TFB2M: variants seen among roughly 807,000 people sequenced by gnomAD.
TFB2M encodes the protein dimethyladenosine transferase 2, mitochondrial.
Under a neutral mutation model 41.3 loss-of-function variants are expected in TFB2M, and 44 were observed. The observed-to-expected ratio is 1.07, with a 90% CI of 0.84 to 1.37. The LOEUF (loss-of-function observed/expected upper bound fraction) is 1.37. Ranked by LOEUF, TFB2M falls within the 40% of genes most tolerant of loss-of-function variation. The pLI, the probability that TFB2M is intolerant of heterozygous loss-of-function variation, is 0.00. For synonymous variants in TFB2M, 188 were observed against 176.8 expected (o/e 1.06, Z -0.50); for missense variants, 496 against 490.2 (o/e 1.01, Z -0.11).
At chr1:246,551,073 G>C in intron 5 of TFB2M, 140 bp downstream of exon 5, 1 of 631,140 alleles carries the variant, frequency 1.6e-6, no homozygotes, top group Non-Finnish European at 2.8e-6. Flanking sequence ...TACTCCAGAG[G>C]CTAAGGTGAG....
chr1:246,563,285 T>C (rs1213145065), intron 2 of TFB2M, among the ~76,000 whole-genome samples: 1 of 151,080 alleles, frequency 6.6e-6, no homozygotes, highest in Non-Finnish European at 1.5e-5. Flanking sequence ...TGTAAGAAAA[T>C]GATGGCTTAT....
intron 1 of TFB2M, among the ~76,000 whole-genome samples, chr1:246,564,789 C>T (rs1393983251): frequency 2.0e-5 from 3 of 151,942 alleles, no homozygotes; most frequent in African/African-American, 4.8e-5. Context: ...AAGCGATTCT[C>T]CTGCCTCAGC....
At chr1:246,547,444 T>G (rs1412585040) in intron 6 of TFB2M, among the ~76,000 whole-genome samples, 1 of 152,226 alleles carries the variant, frequency 6.6e-6, no homozygotes, top group East Asian at 1.9e-4. Context: ...ATTATTCCTA[T>G]TCTGTTTTTT....
intron 2 of TFB2M, among the ~76,000 whole-genome samples, chr1:246,563,940 C>A (rs868759151): frequency 1.3e-5 from 2 of 152,322 alleles, no homozygotes; most frequent in Middle Eastern, 3.4e-3. Flanking sequence ...GCCAACCTTT[C>A]TTGCCTTTCA....
At chr1:246,552,780 A>G (rs1359887560) in intron 4 of TFB2M, among the ~76,000 whole-genome samples, 1 of 151,632 alleles carries the variant, frequency 6.6e-6, no homozygotes, top group African/African-American at 2.4e-5. Flanking sequence ...TCCTGTTAAA[A>G]CTAATAAATT....
At chr1:246,552,658 C>T (rs543992328) in intron 4 of TFB2M, among the ~76,000 whole-genome samples, 5 of 151,706 alleles carry the variant, frequency 3.3e-5, no homozygotes, top group South Asian at 2.1e-4. Context: ...ATGAACATAC[C>T]ACGACATTCA....
intron 2 of TFB2M, among the ~76,000 whole-genome samples, chr1:246,562,896 G>C (rs989153626): frequency 5.3e-5 from 8 of 152,172 alleles, no homozygotes; most frequent in African/African-American, 1.9e-4. Context: ...TTAACCTAGT[G>C]ATCCGCCCGC....
intron 2 of TFB2M, among the ~76,000 whole-genome samples, chr1:246,560,903 G>GA (rs1659440560): frequency 6.6e-6 from 1 of 152,134 alleles, no homozygotes; most frequent in Admixed American, 6.6e-5. Context: ...CACGAGGTCA[G>GA]GAGTTCCAGA....
In TFB2M at chr1:246,556,220, A is replaced by G. The variant is rs181400771; in HGVS notation, c.705+353T>C. On this transcript the variant is annotated intron_variant, in intron 4 of 7. Transcript: ENST00000366514. Reference sequence around the variant, plus strand: ...AAGAAATATTGTAGAGTAAACTTACATGAGGTAAAGAGAATAGTCTAATTC... The same window carrying G: ...AAGAAATATTGTAGAGTAAACTTACGTGAGGTAAAGAGAATAGTCTAATTC... Among the ~76,000 whole-genome samples, 216 of 152,372 alleles carry G rather than the reference A, an allele frequency of 1.4e-3. 1 individual carries two copies. Among genetic ancestry groups the G allele is most frequent in the South Asian group, 3.1e-3 (15 of 4,834 alleles).
chr1:246,551,191 T>C lies in TFB2M; in HGVS notation c.795+22A>G, dbSNP rs753408012. On this transcript the variant is annotated intron_variant, in intron 5 of 7. Transcript: ENST00000366514. ...CCCTGTCGCTAAAGAAAAACGTTTT[T>C]AAACAGAAGGATTTTACTCACCATG... is the stretch of plus-strand genomic sequence containing the variant. 5 of 1,600,446 alleles carry C rather than the reference T, an allele frequency of 3.1e-6. No homozygotes were observed. In the Admixed American group the frequency reaches 8.4e-5, roughly 27 times the overall value.
At chr1:246,549,822 G>A (rs1659123474) in intron 5 of TFB2M, among the ~76,000 whole-genome samples, 1 of 152,164 alleles carries the variant, frequency 6.6e-6, no homozygotes, top group Admixed American at 6.6e-5. Flanking sequence ...GAAATTCCTA[G>A]CAGTTCCAGG....
At chr1:246,543,178 C>T (rs1321120414) in intron 7 of TFB2M, among the ~76,000 whole-genome samples, 2 of 151,162 alleles carry the variant, frequency 1.3e-5, no homozygotes, top group Non-Finnish European at 3.0e-5. Context: ...CCACTTTTAA[C>T]ATTTATTTTT....
At chr1:246,565,272 C>G (rs74360894) in intron 1 of TFB2M, among the ~76,000 whole-genome samples, 6 of 152,358 alleles carry the variant, frequency 3.9e-5, no homozygotes, top group East Asian at 1.9e-4. Flanking sequence ...GCTTGCAACT[C>G]TTTTGGGGAG....
At chr1:246,543,565 G>T (rs1274623120) in intron 7 of TFB2M, among the ~76,000 whole-genome samples, 2 of 151,980 alleles carry the variant, frequency 1.3e-5, no homozygotes. Context: ...AAATTACATG[G>T]ATGGCCAGGC....
intron 4 of TFB2M, among the ~76,000 whole-genome samples, chr1:246,554,293 C>G (rs1659262034): frequency 6.6e-6 from 1 of 152,152 alleles, no homozygotes; most frequent in Non-Finnish European, 1.5e-5. Flanking sequence ...CACAGGTCCC[C>G]AATCCCCGGG....
At chr1:246,550,783 C>T (rs1659153587) in intron 5 of TFB2M, among the ~76,000 whole-genome samples, 1 of 151,792 alleles carries the variant, frequency 6.6e-6, no homozygotes, top group Admixed American at 6.6e-5. Flanking sequence ...CTCGGGAGGC[C>T]GAGGCAGGGG....
intron 2 of TFB2M, among the ~76,000 whole-genome samples, chr1:246,561,071 G>A (rs1323403607): frequency 1.3e-5 from 2 of 152,178 alleles, no homozygotes; most frequent in Non-Finnish European, 2.9e-5. Context: ...TCCGCTAAGC[G>A]CAGCACTTTA....
chr1:246,546,856 T>G (rs142083082), intron 6 of TFB2M, among the ~76,000 whole-genome samples: 1 of 152,224 alleles, frequency 6.6e-6, no homozygotes, highest in African/African-American at 2.4e-5. Context: ...CATAGCAATA[T>G]GAGCACCTTG....
At chr1:246,553,428 A>G (rs4654292) in intron 4 of TFB2M, among the ~76,000 whole-genome samples, 102,324 of 152,134 alleles carry the variant, frequency 0.67, 35,268 homozygotes, top group Middle Eastern at 0.77. Flanking sequence ...CCAGCACCTC[A>G]GGAGACTGAG....
Sources: allele counts gnomAD v4.1 joint callset (sites outside exome capture counted in the v4.1 genomes callset), GRCh38; gene constraint gnomAD v4.1.1; transcripts MANE v1.5; gene names NCBI Gene and HGNC (gene_info 2026-07-23, HGNC 2026-07-21).